The following CLIC2 variants were observed in gnomAD, a reference collection of about 807,000 sequenced individuals.
CLIC2 encodes chloride intracellular channel protein 2.
CLIC2 carries 9 observed loss-of-function variants against 14.8 expected under a neutral mutation model. The ratio of observed to expected loss-of-function variants is 0.61; its 90% CI spans 0.37 to 1.06. CLIC2 has a LOEUF of 1.06. CLIC2 is among the 50% of genes least tolerant of loss of function. The pLI, the probability that CLIC2 is intolerant of heterozygous loss-of-function variation, is 0.01. For synonymous variants in CLIC2, 61 were observed against 66.3 expected (o/e 0.92, Z 0.39); for missense variants, 148 against 181.4 (o/e 0.82, Z 1.06).
chrX:155,328,538 T>C (rs1208019248), intron 1 of CLIC2, among the ~76,000 whole-genome samples: 4 of 111,508 alleles, frequency 3.6e-5, no homozygotes, highest in African/African-American at 1.3e-4. Flanking sequence ...TATTTATGAA[T>C]TGGAAGAATA....
At chrX:155,304,864 T>TG (rs1393971260) in intron 1 of CLIC2, among the ~76,000 whole-genome samples, 3 of 93,072 alleles carry the variant, frequency 3.2e-5, no homozygotes, top group Non-Finnish European at 6.7e-5. Context: ...GTGCCCCTGC[T>TG]GGGGGGTGCC....
chrX:155,321,093 G>A (rs1321520715), intron 1 of CLIC2, among the ~76,000 whole-genome samples: 1 of 111,596 alleles, frequency 9.0e-6, no homozygotes, highest in Non-Finnish European at 1.9e-5. Flanking sequence ...TTTGACTGGT[G>A]TACCTGAAAG....
At chrX:155,303,972 C>A (rs1197046069) in intron 1 of CLIC2, among the ~76,000 whole-genome samples, 1 of 106,848 alleles carries the variant, frequency 9.4e-6, no homozygotes, top group Non-Finnish European at 1.9e-5. Context: ...ATGGGCTTCC[C>A]TTTGAGGGTA....
intron 1 of CLIC2, among the ~76,000 whole-genome samples, chrX:155,316,863 A>AT (rs1343853615): frequency 9.1e-6 from 1 of 110,357 alleles, no homozygotes; most frequent in Non-Finnish European, 1.9e-5. Flanking sequence ...ATCTTTTTAT[A>AT]TTTTTCTGCC....
In CLIC2 at chrX:155,283,185, A is replaced by G. The variant is rs188248922; in HGVS notation, c.294-3117T>C. ...CAGGATAGATCATATGTTAGGCCAC[A>G]AAACAATTCTTAACCACTTAAGAAG... is the stretch of plus-strand genomic sequence containing the variant. On this transcript the variant is annotated intron_variant, in intron 3 of 5. Coordinates refer to ENST00000369449, the MANE Select transcript of CLIC2 (RefSeq NM_001289.6). Among the ~76,000 whole-genome samples, 4 of 112,797 alleles carry G rather than the reference A, an allele frequency of 3.5e-5. No homozygotes were observed. In the East Asian group the frequency reaches 8.3e-4, roughly 23 times the overall value.
At chrX:155,321,078 C>T (rs185716271) in intron 1 of CLIC2, among the ~76,000 whole-genome samples, 27 of 111,705 alleles carry the variant, frequency 2.4e-4, no homozygotes, top group African/African-American at 8.1e-4. Flanking sequence ...AAGACCAAAC[C>T]TACGTTTGAC....
intron 1 of CLIC2, among the ~76,000 whole-genome samples, chrX:155,307,487 G>A (rs2075059847): frequency 9.0e-6 from 1 of 111,472 alleles, no homozygotes; most frequent in Admixed American, 9.6e-5. Flanking sequence ...AAAATGTCCT[G>A]CTTTTCAAAA....
intron 1 of CLIC2, among the ~76,000 whole-genome samples, chrX:155,304,985 C>G (rs1302333032): frequency 9.1e-6 from 1 of 109,427 alleles, no homozygotes; most frequent in African/African-American, 3.3e-5. Flanking sequence ...CTCTTCAAAG[C>G]TGTCAGACAG....
intron 1 of CLIC2, among the ~76,000 whole-genome samples, chrX:155,307,238 G>A (rs781922945): frequency 9.0e-6 from 1 of 111,481 alleles, no homozygotes; most frequent in Non-Finnish European, 1.9e-5. Flanking sequence ...TCTATATGGG[G>A]TCTGTCAGGG....
chrX:155,281,069 C>T (rs1434900495), intron 3 of CLIC2, among the ~76,000 whole-genome samples: 1 of 105,075 alleles, frequency 9.5e-6, no homozygotes, highest in Non-Finnish European at 1.9e-5. Flanking sequence ...TTTGCAACAA[C>T]GTGGATGAGC....
At chrX:155,307,444 G>C (rs916919963) in intron 1 of CLIC2, among the ~76,000 whole-genome samples, 1 of 110,075 alleles carries the variant, frequency 9.1e-6, no homozygotes, top group Non-Finnish European at 1.9e-5. Flanking sequence ...GGAGAGAAGA[G>C]AAAAATTCAA....
intron 1 of CLIC2, among the ~76,000 whole-genome samples, chrX:155,313,119 G>T (rs1471704770): frequency 9.3e-6 from 1 of 107,206 alleles, no homozygotes; most frequent in African/African-American, 3.4e-5. Context: ...CACGGAGGGA[G>T]GATGGATCAC....
chrX:155,328,545 AATAAAT>A (rs2075146152), intron 1 of CLIC2, among the ~76,000 whole-genome samples: 1 of 111,844 alleles, frequency 8.9e-6, no homozygotes, highest in African/African-American at 3.2e-5. Context: ...GAATTGGAAG[AATAAAT>A]ATAGTTAAAA....
Position 155,334,467 on chromosome X carries a change from T to G in CLIC2, c.-40A>C, listed in dbSNP as rs1557323123. On this transcript the variant is annotated 5_prime_UTR_variant, in exon 1 of 6. Coordinates refer to ENST00000369449, the MANE Select transcript of CLIC2 (RefSeq NM_001289.6). ...CCAGTTGTCAGCCTCCTGCCTCCTGTAGAGTCCACAATACTTGTAGACTCT... is the reference window on the plus strand; with the variant it reads ...CCAGTTGTCAGCCTCCTGCCTCCTGGAGAGTCCACAATACTTGTAGACTCT... 9.2e-7 allele frequency: 1 copy of G among 1,083,201 alleles called. No individual in the cohort carries two copies. The highest frequency in any genetic ancestry group is 1.8e-5 in the African/African-American group (1 of 55,360). 89.3% of individuals were successfully genotyped at this position (1,083,201 alleles called of 1,213,427 possible).
At chrX:155,332,487 T>TA (rs2075160068) in intron 1 of CLIC2, among the ~76,000 whole-genome samples, 1 of 111,780 alleles carries the variant, frequency 8.9e-6, no homozygotes, top group Non-Finnish European at 1.9e-5. Flanking sequence ...TGGACTAGTT[T>TA]ACTAAAAAGT....
intron 1 of CLIC2, among the ~76,000 whole-genome samples, chrX:155,326,375 A>G (rs782404471): frequency 1.7e-4 from 19 of 111,847 alleles, no homozygotes; most frequent in South Asian, 3.7e-4. Flanking sequence ...CTTTTGGGAA[A>G]TGCAAATTTA....
chrX:155,292,770 AAAAC>A (rs57337213), intron 3 of CLIC2: 296 of 485,329 alleles, frequency 6.1e-4, no homozygotes, highest in African/African-American at 1.5e-3. Context: ...ACTCCGTCTC[AAAAC>A]AAACAAACAA....
chrX:155,293,493 T>A, intron 3 of CLIC2: 4 of 491,302 alleles, frequency 8.1e-6, no homozygotes, highest in Middle Eastern at 5.7e-4. Context: ...TAATGATAAA[T>A]GACAAGAGAG....
intron 1 of CLIC2, among the ~76,000 whole-genome samples, chrX:155,332,208 G>A (rs1417216752): frequency 5.4e-5 from 6 of 111,849 alleles, no homozygotes; most frequent in East Asian, 2.8e-4. Context: ...CATAGATATC[G>A]TAGTATAAAT....
Sources: allele counts gnomAD v4.1 joint callset (sites outside exome capture counted in the v4.1 genomes callset), GRCh38; gene constraint gnomAD v4.1.1; transcripts MANE v1.5; gene names NCBI Gene and HGNC (gene_info 2026-07-23, HGNC 2026-07-21).